Variants in NRG3 observed in about 807,000 individuals in gnomAD.
NRG3 encodes the protein pro-neuregulin-3, membrane-bound isoform.
NRG3 carries 31 observed loss-of-function variants against 66.9 expected under a neutral mutation model. The ratio of observed to expected loss-of-function variants is 0.46; its 90% CI spans 0.35 to 0.63. The LOEUF is 0.63. Ranked by LOEUF, NRG3 falls within the 20% of genes least tolerant of loss-of-function variation. NRG3 has a pLI of 0.00. For missense variants in NRG3, 910 were observed against 878.9 expected (o/e 1.04, Z -0.45); for synonymous variants, 393 against 359.4 (o/e 1.09, Z -1.06).
chr10:82,800,470 AT>A (rs2060990566), intron 3 of NRG3, among the ~76,000 whole-genome samples: 3 of 152,114 alleles, frequency 2.0e-5, no homozygotes, highest in Admixed American at 2.0e-4. Flanking sequence ...CCATTCATTC[AT>A]TTAACAAATA....
At chr10:82,163,548 C>G (rs74542359) in intron 1 of NRG3, among the ~76,000 whole-genome samples, 1 of 152,100 alleles carries the variant, frequency 6.6e-6, no homozygotes, top group South Asian at 2.1e-4. Flanking sequence ...GTGAATGAGA[C>G]AAATTAATTC....
chr10:82,855,721 T>C (rs1436487026), intron 3 of NRG3, among the ~76,000 whole-genome samples: 1 of 151,758 alleles, frequency 6.6e-6, no homozygotes, highest in Non-Finnish European at 1.5e-5. Flanking sequence ...GATACTAATG[T>C]AGATTGAAGC....
At chr10:81,972,057 T>G in intron 1 of NRG3, among the ~76,000 whole-genome samples, 1 of 152,128 alleles carries the variant, frequency 6.6e-6, no homozygotes, top group East Asian at 1.9e-4. Context: ...GACTGGAAAT[T>G]TCATAACCAT....
At chr10:82,560,028 A>T (rs2044928695) in intron 2 of NRG3, among the ~76,000 whole-genome samples, 1 of 151,888 alleles carries the variant, frequency 6.6e-6, no homozygotes, top group Non-Finnish European at 1.5e-5. Context: ...AATTTTGTTG[A>T]CATCAATTTT....
At chr10:82,545,120 C>T (rs928097992) in intron 2 of NRG3, among the ~76,000 whole-genome samples, 23 of 152,050 alleles carry the variant, frequency 1.5e-4, no homozygotes, top group African/African-American at 4.6e-4. Flanking sequence ...CTAGAATACT[C>T]CTTGGAAATG....
chr10:82,035,358 A>AT (rs57610439), intron 1 of NRG3, among the ~76,000 whole-genome samples: 26 of 151,964 alleles, frequency 1.7e-4, no homozygotes, highest in Middle Eastern at 3.4e-3. Context: ...ATACACTGTG[A>AT]TTTTTTTTGC....
chr10:81,982,945 C>T (rs1161489675), intron 1 of NRG3, among the ~76,000 whole-genome samples: 2 of 152,092 alleles, frequency 1.3e-5, no homozygotes, highest in Non-Finnish European at 2.9e-5. Context: ...TAGCTTTAGC[C>T]CATGTAACAC....
intron 3 of NRG3, among the ~76,000 whole-genome samples, chr10:82,839,520 A>G (rs1263462981): frequency 2.0e-5 from 3 of 151,678 alleles, no homozygotes; most frequent in Non-Finnish European, 1.5e-5. Context: ...GGGATAAGTA[A>G]TAAGTATTTA....
chr10:82,542,045 G>T (rs952766621), intron 2 of NRG3, among the ~76,000 whole-genome samples: 9 of 152,110 alleles, frequency 5.9e-5, no homozygotes, highest in Non-Finnish European at 1.3e-4. Flanking sequence ...CATGCATTAG[G>T]TATTTGTCCT....
intron 2 of NRG3, among the ~76,000 whole-genome samples, chr10:82,596,428 C>T (rs1029378284): frequency 7.9e-5 from 12 of 152,222 alleles, no homozygotes; most frequent in African/African-American, 2.2e-4. Context: ...TGGGTAACTT[C>T]GGTGTCTGCA....
chr10:82,580,576 G>A (rs2046303281), intron 2 of NRG3, among the ~76,000 whole-genome samples: 1 of 151,798 alleles, frequency 6.6e-6, no homozygotes, highest in African/African-American at 2.4e-5. Flanking sequence ...CTGGTTCCTG[G>A]CAACTACTGA....
At chr10:82,468,435 T>C (rs966087751) in intron 2 of NRG3, among the ~76,000 whole-genome samples, 1 of 152,018 alleles carries the variant, frequency 6.6e-6, no homozygotes, top group Non-Finnish European at 1.5e-5. Flanking sequence ...GTGGATGAGA[T>C]TACATATGAG....
At chr10:82,512,444 C>T (rs1845277662) in intron 2 of NRG3, among the ~76,000 whole-genome samples, 1 of 152,042 alleles carries the variant, frequency 6.6e-6, no homozygotes, top group Non-Finnish European at 1.5e-5. Context: ...TGCCACCACG[C>T]TTGGCTAATT....
chr10:82,245,660 A>G (rs978377522), intron 1 of NRG3, among the ~76,000 whole-genome samples: 1 of 152,214 alleles, frequency 6.6e-6, no homozygotes, highest in Admixed American at 6.5e-5. Context: ...AAAATTGCTA[A>G]TAGTATAAGT....
intron 1 of NRG3, among the ~76,000 whole-genome samples, chr10:81,906,230 A>T (rs559736167): frequency 6.6e-6 from 1 of 152,144 alleles, no homozygotes; most frequent in African/African-American, 2.4e-5. Context: ...CATCATCATC[A>T]TCATGTTCAT....
chr10:82,926,065 A>G lies in NRG3; in HGVS notation c.1055-25404A>G, dbSNP rs11196528. 9.2e-4 allele frequency among the ~76,000 whole-genome samples: 140 copies of G among 152,320 alleles called. 4 individuals carry two copies. In the East Asian group the frequency reaches 0.025, roughly 27 times the overall value. ...CTCCAAAGTACAGTTGGTCCTCCAT[A>G]TCCATGGGTTCTGCATCCATGGATT... On this transcript the variant is annotated intron_variant, in intron 4 of 8. Coordinates refer to ENST00000372141, the MANE Select transcript of NRG3 (RefSeq NM_001010848.4).
intron 2 of NRG3, among the ~76,000 whole-genome samples, chr10:82,625,151 C>T (rs1315303568): frequency 6.6e-6 from 1 of 151,714 alleles, no homozygotes; most frequent in African/African-American, 2.4e-5. Flanking sequence ...TTTTAAAATG[C>T]CAAAATAGCC....
chr10:82,415,172 G>A (rs1194870332), intron 2 of NRG3, among the ~76,000 whole-genome samples: 1 of 152,016 alleles, frequency 6.6e-6, no homozygotes, highest in Non-Finnish European at 1.5e-5. Flanking sequence ...GGATTATATG[G>A]GTAAAAATGC....
At chr10:82,343,022 A>G (rs777918126) in intron 1 of NRG3, among the ~76,000 whole-genome samples, 2 of 152,038 alleles carry the variant, frequency 1.3e-5, no homozygotes, top group Non-Finnish European at 2.9e-5. Flanking sequence ...TATTGAATAG[A>G]GTGTCCTCTC....
Sources: allele counts gnomAD v4.1 joint callset (sites outside exome capture counted in the v4.1 genomes callset), GRCh38; gene constraint gnomAD v4.1.1; transcripts MANE v1.5; gene names NCBI Gene and HGNC (gene_info 2026-07-23, HGNC 2026-07-21).